The following AK9 variants were observed in gnomAD, a reference collection of about 807,000 sequenced individuals.
AK9 encodes adenylate kinase 9.
AK9 carries 191 observed loss-of-function variants against 239.6 expected under a neutral mutation model. That is an observed-to-expected ratio of 0.80 (90% CI 0.71 to 0.90). AK9 has a LOEUF of 0.90. AK9 is among the 40% of genes least tolerant of loss of function. AK9 has a pLI of 0.00. For missense variants in AK9, 1,995 were observed against 2,214.7 expected (o/e 0.90, Z 1.99); for synonymous variants, 689 against 721.0 (o/e 0.96, Z 0.71).
intron 29 of AK9, among the ~76,000 whole-genome samples, chr6:109,524,089 G>C (rs978614100): frequency 1.3e-5 from 2 of 151,802 alleles, no homozygotes; most frequent in African/African-American, 4.8e-5. Flanking sequence ...TTTTAAAGCA[G>C]TTATTATTAC....
In AK9 at chr6:109,646,007, G is replaced by A. The variant is rs150231254; in HGVS notation, c.760-1319C>T. On this transcript the variant is annotated intron_variant, in intron 8 of 40. Transcript: ENST00000424296. ...AGACCTGCAGCTGAGGGTCCTAACT[G>A]TTAGAAGGAAAACTAACAAACAGAA... is the stretch of plus-strand genomic sequence containing the variant. Among the ~76,000 whole-genome samples, 28 of 152,352 alleles carry A rather than the reference G, an allele frequency of 1.8e-4. No homozygotes were observed. The East Asian group carries it at 5.2e-3, about 28-fold the overall frequency.
chr6:109,664,396 T>C (rs1209867983), intron 5 of AK9, among the ~76,000 whole-genome samples: 2 of 152,142 alleles, frequency 1.3e-5, no homozygotes, highest in Non-Finnish European at 2.9e-5. Flanking sequence ...CCTCAGAACA[T>C]GCTCATCACA....
intron 38 of AK9, among the ~76,000 whole-genome samples, chr6:109,495,706 C>T (rs1385605309): frequency 2.0e-5 from 3 of 152,052 alleles, no homozygotes; most frequent in African/African-American, 4.8e-5. Context: ...TCTGACTCTC[C>T]CAAATGCCCC....
intron 33 of AK9, among the ~76,000 whole-genome samples, chr6:109,508,271 T>A (rs1778322357): frequency 6.6e-6 from 1 of 152,206 alleles, no homozygotes; most frequent in Non-Finnish European, 1.5e-5. Flanking sequence ...CTTTGTCCTG[T>A]GAAGAGTCAC....
chr6:109,661,649 G>A (rs1203444877), intron 6 of AK9, among the ~76,000 whole-genome samples: 1 of 152,188 alleles, frequency 6.6e-6, no homozygotes, highest in East Asian at 1.9e-4. Context: ...GGCTGGGGCT[G>A]CAGATTACAC....
intron 8 of AK9, among the ~76,000 whole-genome samples, chr6:109,649,347 C>T (rs1477149951): frequency 3.3e-5 from 5 of 152,068 alleles, no homozygotes; most frequent in East Asian, 1.9e-4. Flanking sequence ...AAAACCCCAT[C>T]GTCTCAGCCC....
Position 109,648,205 on chromosome 6 carries a change from G to C in AK9, c.760-3517C>G, listed in dbSNP as rs889198201. On this transcript the variant is annotated intron_variant, in intron 8 of 40. Transcript: ENST00000424296. ...CTAGAAAAGCAAGAGCAAACACATT[G>C]AAAAGCTAGCAGAAGGTAAGACATA... 2.0e-4 allele frequency among the ~76,000 whole-genome samples: 31 copies of C among 151,950 alleles called. 1 individual carries two copies. The highest frequency in any genetic ancestry group is 7.2e-4 in the African/African-American group (30 of 41,386).
Position 109,521,993 on chromosome 6 carries a change from T to G in AK9, c.3634-5351A>C, listed in dbSNP as rs1013119647. The stretch of plus-strand genomic sequence containing the variant: ...TATAAAAGAGGCTAATTTTCACTGA[T>G]CTTAAGTATCTGAAAATTTTTCCAT... On this transcript the variant is annotated intron_variant, in intron 29 of 40. Coordinates refer to ENST00000424296, the MANE Select transcript of AK9 (RefSeq NM_001145128.3). Among the ~76,000 whole-genome samples, 5 of 144,068 alleles carry G rather than the reference T, an allele frequency of 3.5e-5. No individual in the cohort carries two copies. The South Asian group carries it at 1.2e-3, about 36-fold the overall frequency. 94.5% of individuals were successfully genotyped at this position (144,068 alleles called of 152,430 possible). A position where few individuals can be genotyped will look rare whatever the true frequency, so the allele number is the denominator to read the frequency against.
intron 12 of AK9, among the ~76,000 whole-genome samples, chr6:109,621,893 TAAAAAAAAAA>T (rs59405869): frequency 0.012 from 662 of 55,532 alleles, 19 homozygotes; most frequent in African/African-American, 0.058. Context: ...AAAGTATAAT[TAAAAAAAAAA>T]AAAAAAAAAC....
At chr6:109,661,524 C>T (rs962367693) in intron 6 of AK9, among the ~76,000 whole-genome samples, 3 of 152,166 alleles carry the variant, frequency 2.0e-5, no homozygotes, top group Admixed American at 6.6e-5. Flanking sequence ...TTTTCCTAGG[C>T]TTAGTTTTTG....
At chr6:109,606,209 T>G (rs1014090405) in intron 17 of AK9, among the ~76,000 whole-genome samples, 37 of 152,200 alleles carry the variant, frequency 2.4e-4, no homozygotes, top group Non-Finnish European at 4.4e-4. Flanking sequence ...TGGATTCCCT[T>G]ACTCTATACT....
Position 109,509,390 on chromosome 6 carries a change from A to G in AK9, c.4280-10T>C. 1 of 1,544,294 alleles carries G rather than the reference A, an allele frequency of 6.5e-7. No individual in the cohort carries two copies. The highest frequency in any genetic ancestry group is 8.8e-7 in the Non-Finnish European group (1 of 1,141,884). The stretch of plus-strand genomic sequence containing the variant: ...GTAATTTTTTTGGCAACTGAAAAAC[A>G]TAAAACTTTTAAATTAAATTAAATG... On this transcript the variant is annotated splice_polypyrimidine_tract_variant and intron_variant, in intron 32 of 40. Transcript: ENST00000424296.
chr6:109,656,110 T>C (rs1799668042), intron 8 of AK9, among the ~76,000 whole-genome samples: 1 of 152,200 alleles, frequency 6.6e-6, no homozygotes, highest in Non-Finnish European at 1.5e-5. Context: ...TCTGGCTAAA[T>C]GCGCAAGTTC....
intron 21 of AK9, among the ~76,000 whole-genome samples, chr6:109,571,329 C>T (rs998747210): frequency 7.9e-5 from 12 of 152,138 alleles, no homozygotes; most frequent in African/African-American, 2.7e-4. Context: ...GAAGTTATGC[C>T]TCTTTCCAAA....
At chr6:109,493,654 G>A in intron 40 of AK9, 83 bp from the exon 41 acceptor site, 2 of 1,197,374 alleles carry the variant, frequency 1.7e-6, no homozygotes, top group Non-Finnish European at 2.4e-6. Flanking sequence ...GTGTGGTTGA[G>A]TTAGTTACAC....
chr6:109,525,464 A>C (rs887588365), intron 29 of AK9, among the ~76,000 whole-genome samples: 16 of 152,202 alleles, frequency 1.1e-4, no homozygotes, highest in African/African-American at 3.9e-4. Context: ...ACAAATCAAC[A>C]AGCCCAAAAC....
chr6:109,644,989 T>C (rs1342565594), intron 8 of AK9, among the ~76,000 whole-genome samples: 1 of 152,238 alleles, frequency 6.6e-6, no homozygotes, highest in Admixed American at 6.5e-5. Flanking sequence ...GCTTTGCTAT[T>C]TGGTTTCTAA....
At chr6:109,569,974 T>C (rs538587563) in intron 21 of AK9, among the ~76,000 whole-genome samples, 50 of 152,312 alleles carry the variant, frequency 3.3e-4, no homozygotes, top group African/African-American at 1.2e-3. Flanking sequence ...TAAAGACACA[T>C]GCACACGTAT....
chr6:109,546,098 GC>G lies in AK9; in HGVS notation c.2993del (p.Gly998AlafsTer18). 1 of 1,521,050 alleles carries G rather than the reference GC, an allele frequency of 6.6e-7. No homozygotes were observed. Among genetic ancestry groups the G allele is most frequent in the Non-Finnish European group, 8.9e-7 (1 of 1,124,386 alleles). The allele number at this position is 1,521,050 out of a possible 1,614,324, so 94.2% of individuals were successfully genotyped here. A position where few individuals can be genotyped will look rare whatever the true frequency, so the allele number is the denominator to read the frequency against. On this transcript the variant is annotated frameshift_variant, in exon 26 of 41. Transcript: ENST00000424296. LOFTEE classifies it high-confidence loss of function. Reference sequence around the variant, plus strand: ...ACATAGTTTTGCCAGAGCCCTGGGGGCCGACAAGGCATATTCTTAATGGAGG... The same window carrying G: ...ACATAGTTTTGCCAGAGCCCTGGGGGCGACAAGGCATATTCTTAATGGAGG... The part of the protein sequence containing the change: ...KAPPLRICLV[G>X]PQGSGKTMCG...
Sources: allele counts gnomAD v4.1 joint callset (sites outside exome capture counted in the v4.1 genomes callset), GRCh38; gene constraint gnomAD v4.1.1; transcripts MANE v1.5; gene names NCBI Gene and HGNC (gene_info 2026-07-23, HGNC 2026-07-21).